MAGT1: variants seen among roughly 807,000 people sequenced by gnomAD.
MAGT1 encodes magnesium transporter 1.
MAGT1 carries 4 observed loss-of-function variants against 28.4 expected under a neutral mutation model. The observed-to-expected ratio is 0.14, with a 90% CI of 0.07 to 0.32. The LOEUF is 0.32. MAGT1 is among the 10% of genes least tolerant of loss of function. MAGT1 has a pLI of 1.00. For missense variants in MAGT1, 193 were observed against 264.5 expected, an observed-to-expected ratio of 0.73 and a Z score of 1.88; for synonymous variants, 89 against 89.7, an observed-to-expected ratio of 0.99 and a Z score of 0.04.
chrX:77,845,694 T>C (rs2076949475), intron 7 of MAGT1, among the ~76,000 whole-genome samples: 1 of 111,670 alleles, frequency 9.0e-6, no homozygotes, highest in African/African-American at 3.3e-5. Context: ...CCTTAACTTA[T>C]GAAGCTTAGT....
At chrX:77,866,042 C>A (rs2077008151) in intron 3 of MAGT1, among the ~76,000 whole-genome samples, 1 of 65,312 alleles carries the variant, frequency 1.5e-5, no homozygotes, top group Admixed American at 2.1e-4. Flanking sequence ...GCCTGTAATC[C>A]CAGATACTCT....
chrX:77,839,852 A>T, intron 8 of MAGT1, among the ~76,000 whole-genome samples: 1 of 109,337 alleles, frequency 9.1e-6, no homozygotes, highest in Non-Finnish European at 1.9e-5. Flanking sequence ...CATGTTCATC[A>T]GGCTTGATGG....
chrX:77,840,301 T>G (rs1476149975), intron 8 of MAGT1, among the ~76,000 whole-genome samples: 1 of 102,280 alleles, frequency 9.8e-6, no homozygotes, highest in African/African-American at 3.6e-5. Context: ...CCGGGCGTGG[T>G]GGTGGGCGCC....
chrX:77,843,573 G>A (rs1354074182), intron 7 of MAGT1, among the ~76,000 whole-genome samples: 1 of 111,401 alleles, frequency 9.0e-6, no homozygotes, highest in African/African-American at 3.3e-5. Context: ...CTCTTGTTAG[G>A]GATGATGCCC....
intron 3 of MAGT1, chrX:77,868,664 T>A: frequency 3.3e-6 from 1 of 305,457 alleles, no homozygotes; most frequent in Admixed American, 3.3e-5. Context: ...AAAGAAAAAT[T>A]AAAAAATTAA....
intron 1 of MAGT1, among the ~76,000 whole-genome samples, chrX:77,883,126 T>C: frequency 9.8e-6 from 1 of 102,328 alleles, no homozygotes; most frequent in African/African-American, 3.5e-5. Context: ...TTATAATATA[T>C]ATTATTATTA....
intron 3 of MAGT1, among the ~76,000 whole-genome samples, chrX:77,860,806 A>G (rs1199186895): frequency 1.8e-5 from 2 of 111,766 alleles, no homozygotes; most frequent in Admixed American, 9.5e-5. Context: ...CAAAAACAAA[A>G]TAAAAACAAC....
At position 77,884,132 on chromosome X, in the gene MAGT1, G is replaced by A. The variant is rs782756320; in HGVS notation, c.103-8535C>T. 4.2e-3 allele frequency among the ~76,000 whole-genome samples: 465 copies of A among 111,690 alleles called. 4 individuals carry two copies. Among genetic ancestry groups the A allele is most frequent in the Non-Finnish European group, 7.0e-3 (374 of 53,151 alleles). On this transcript the variant is annotated intron_variant, in intron 1 of 9. Transcript: ENST00000618282. ...CACTTGAACCTGGGAGGTGGAGGTT[G>A]CAGTGAGCTGAGACTGCACCACTGC... is the stretch of plus-strand genomic sequence containing the variant.
intron 8 of MAGT1, among the ~76,000 whole-genome samples, chrX:77,831,258 C>A (rs1165928536): frequency 1.8e-5 from 2 of 111,081 alleles, no homozygotes; most frequent in East Asian, 5.6e-4. Flanking sequence ...ACCTCATGAT[C>A]CGCCTGCCTC....
rs1406173706 is a variant in MAGT1, at chrX:77,869,085, G to C, written c.390+1723C>G. Among the ~76,000 whole-genome samples the C allele has an allele frequency of 3.6e-5, 4 of 111,143 alleles. No homozygotes were observed. The East Asian group carries it at 1.1e-3, about 31-fold the overall frequency. Reference sequence around the variant, plus strand: ...CTCTATCACCCAGGCTGGCAATCTCGGCTCACTGGAACCTCCGCTTCCTGG... The same window carrying C: ...CTCTATCACCCAGGCTGGCAATCTCCGCTCACTGGAACCTCCGCTTCCTGG... On this transcript the variant is annotated intron_variant, in intron 3 of 9. Coordinates refer to ENST00000618282, the MANE Select transcript of MAGT1 (RefSeq NM_001367916.1).
intron 8 of MAGT1, among the ~76,000 whole-genome samples, chrX:77,839,069 C>T (rs2076927640): frequency 3.7e-5 from 4 of 108,946 alleles, no homozygotes; most frequent in Admixed American, 3.0e-4. Context: ...TTTGGGAGGC[C>T]GAGGCGGGCG....
At chrX:77,866,462 G>A (rs2077009055) in intron 3 of MAGT1, among the ~76,000 whole-genome samples, 1 of 66,660 alleles carries the variant, frequency 1.5e-5, no homozygotes, top group African/African-American at 3.5e-5. Flanking sequence ...ACATCTTGTG[G>A]ACAAGGGCCC....
intron 4 of MAGT1, 152 bp from the exon 5 acceptor site, chrX:77,857,025 A>G: frequency 1.9e-6 from 1 of 520,865 alleles, no homozygotes. Flanking sequence ...AAACTAGTCT[A>G]TAATATAACC....
chrX:77,893,584 C>T (rs2077090149), intron 1 of MAGT1, among the ~76,000 whole-genome samples: 2 of 111,637 alleles, frequency 1.8e-5, no homozygotes, highest in South Asian at 3.7e-4. Flanking sequence ...TTTTAAAAAG[C>T]CTTCACTTTT....
intron 6 of MAGT1, among the ~76,000 whole-genome samples, chrX:77,854,651 A>AT (rs1237951585): frequency 2.4e-4 from 23 of 96,244 alleles, no homozygotes; most frequent in Middle Eastern, 6.8e-3. Context: ...ACCTGGCCCC[A>AT]TTTTTTTTTT....
chrX:77,875,805 G>A (rs1309532256), intron 1 of MAGT1, among the ~76,000 whole-genome samples: 1 of 109,859 alleles, frequency 9.1e-6, no homozygotes, highest in Admixed American at 1.0e-4. Context: ...TTACACTTTT[G>A]ATGTAATTAA....
intron 3 of MAGT1, among the ~76,000 whole-genome samples, chrX:77,861,386 C>A (rs2076994455): frequency 1.8e-5 from 2 of 111,574 alleles, no homozygotes; most frequent in Middle Eastern, 4.6e-3. Flanking sequence ...AAACAAAAAA[C>A]CCCAGAAAAC....
intron 8 of MAGT1, among the ~76,000 whole-genome samples, chrX:77,836,932 G>A (rs1042856759): frequency 2.7e-5 from 3 of 111,398 alleles, no homozygotes; most frequent in Non-Finnish European, 1.9e-5. Flanking sequence ...GTGCACATAC[G>A]TATATACAGC....
intron 1 of MAGT1, among the ~76,000 whole-genome samples, chrX:77,876,206 T>C (rs1212864962): frequency 6.3e-5 from 5 of 79,851 alleles, no homozygotes; most frequent in Non-Finnish European, 1.2e-4. Context: ...GGGGTTTTAC[T>C]ATGTTGCCCA....
Sources: allele counts gnomAD v4.1 joint callset (sites outside exome capture counted in the v4.1 genomes callset), GRCh38; gene constraint gnomAD v4.1.1; transcripts MANE v1.5; gene names NCBI Gene and HGNC (gene_info 2026-07-23, HGNC 2026-07-21).